Variants in GRIA3 observed in about 807,000 individuals in gnomAD.
GRIA3 encodes the protein glutamate ionotropic receptor AMPA type subunit 3.
A neutral mutation model predicts 63.0 loss-of-function variants in GRIA3; 3 were observed. The observed-to-expected ratio is 0.05, with a 90% CI of 0.02 to 0.12. The LOEUF (loss-of-function observed/expected upper bound fraction) is 0.12. Ranked by LOEUF, GRIA3 falls within the 10% of genes least tolerant of loss-of-function variation. The pLI is 1.00. For synonymous variants in GRIA3, 274 were observed against 257.9 expected (o/e 1.06, Z -0.60); for missense variants, 347 against 700.9 (o/e 0.50, Z 5.70).
chrX:123,268,459 GATAATATAAATA>G (rs1278197911), intron 3 of GRIA3, among the ~76,000 whole-genome samples: 1 of 108,224 alleles, frequency 9.2e-6, no homozygotes, highest in Admixed American at 9.9e-5. Flanking sequence ...TATTCCTTTT[GATAATATAAATA>G]ATAATATAAA....
At chrX:123,414,354 C>A (rs749878936) in intron 10 of GRIA3, among the ~76,000 whole-genome samples, 4 of 112,434 alleles carry the variant, frequency 3.6e-5, no homozygotes, top group Non-Finnish European at 5.6e-5. Flanking sequence ...GAGTCTCACG[C>A]CTCCACAATT....
At chrX:123,274,891 A>G (rs1455537216) in intron 3 of GRIA3, among the ~76,000 whole-genome samples, 1 of 111,888 alleles carries the variant, frequency 8.9e-6, no homozygotes, top group Non-Finnish European at 1.9e-5. Flanking sequence ...AGTGTCAAGC[A>G]AGTTTGTAGA....
chrX:123,486,693 T>C (rs1377099720), intron 15 of GRIA3, among the ~76,000 whole-genome samples: 1 of 112,186 alleles, frequency 8.9e-6, no homozygotes, highest in African/African-American at 3.2e-5. Context: ...CACTCATCTT[T>C]TATTTCCCAA....
intron 2 of GRIA3, among the ~76,000 whole-genome samples, chrX:123,244,908 A>G (rs767974388): frequency 2.7e-5 from 3 of 112,722 alleles, no homozygotes; most frequent in African/African-American, 9.7e-5. Flanking sequence ...TCTTGCAGAA[A>G]TAGGAGATGG....
chrX:123,395,230 C>A, intron 6 of GRIA3, 101 bp downstream of exon 6: 1 of 762,004 alleles, frequency 1.3e-6, no homozygotes, highest in Non-Finnish European at 2.0e-6. Flanking sequence ...AGTGATTTTC[C>A]TCAGAAGTGA....
At chrX:123,279,426 T>C (rs756475678) in intron 3 of GRIA3, among the ~76,000 whole-genome samples, 107 of 112,058 alleles carry the variant, frequency 9.5e-4, no homozygotes, top group Non-Finnish European at 4.3e-4. Flanking sequence ...GATCTAACCA[T>C]GACACAATGT....
chrX:123,184,422 G>A lies in GRIA3; in HGVS notation c.-114G>A. The stretch of plus-strand genomic sequence containing the variant: ...GGGTGGAAAGGAAGAGTGAGCGAGA[G>A]CAAGTTAAGGGGAGGGGGTGTAAGA... On this transcript the variant is annotated 5_prime_UTR_variant, in exon 1 of 16. Coordinates refer to ENST00000620443, the MANE Select transcript of GRIA3 (RefSeq NM_007325.5). 1 of 608,872 alleles carries A rather than the reference G, an allele frequency of 1.6e-6. No individual in the cohort carries two copies. Among genetic ancestry groups the A allele is most frequent in the Admixed American group, 2.3e-5 (1 of 43,539 alleles). The allele number at this position is 608,872 out of a possible 1,213,427, so 50.2% of individuals were successfully genotyped here.
At chrX:123,279,354 A>C (rs2044572434) in intron 3 of GRIA3, among the ~76,000 whole-genome samples, 1 of 111,736 alleles carries the variant, frequency 8.9e-6, no homozygotes, top group South Asian at 3.8e-4. Flanking sequence ...AAAAATGTAA[A>C]GACAGTGGAT....
At chrX:123,331,227 A>G (rs902443312) in intron 4 of GRIA3, among the ~76,000 whole-genome samples, 2 of 112,010 alleles carry the variant, frequency 1.8e-5, no homozygotes, top group African/African-American at 6.5e-5. Flanking sequence ...GGCTAAAATC[A>G]CTTCATCATG....
intron 2 of GRIA3, among the ~76,000 whole-genome samples, chrX:123,216,667 C>T (rs1242797041): frequency 8.9e-6 from 1 of 111,794 alleles, no homozygotes; most frequent in Non-Finnish European, 1.9e-5. Context: ...CCTCCACCAC[C>T]ACCACCACTG....
chrX:123,235,307 G>A (rs139421110), intron 2 of GRIA3, among the ~76,000 whole-genome samples: 2,985 of 111,555 alleles, frequency 0.027, 30 homozygotes, highest in Non-Finnish European at 0.043. Flanking sequence ...TCCACTTTTG[G>A]AGGGATACAC....
intron 15 of GRIA3, among the ~76,000 whole-genome samples, chrX:123,487,482 T>C (rs1019377267): frequency 2.7e-5 from 3 of 111,832 alleles, no homozygotes; most frequent in Non-Finnish European, 5.6e-5. Flanking sequence ...ACTGGAGACA[T>C]TTTGCTGCTG....
At chrX:123,393,404 T>C (rs893406598) in intron 5 of GRIA3, among the ~76,000 whole-genome samples, 2 of 112,387 alleles carry the variant, frequency 1.8e-5, no homozygotes, top group Non-Finnish European at 3.8e-5. Context: ...TACACTTCAA[T>C]AAAACCTTTT....
chrX:123,337,570 T>A (rs2044982395), intron 4 of GRIA3, among the ~76,000 whole-genome samples: 1 of 111,622 alleles, frequency 9.0e-6, no homozygotes, highest in Non-Finnish European at 1.9e-5. Context: ...GATTATGCTA[T>A]CTAAAAGACA....
At chrX:123,336,299 C>T (rs1036557319) in intron 4 of GRIA3, among the ~76,000 whole-genome samples, 9 of 112,228 alleles carry the variant, frequency 8.0e-5, no homozygotes, top group African/African-American at 2.3e-4. Flanking sequence ...TTAATTGATC[C>T]GTACAAAGTT....
intron 5 of GRIA3, among the ~76,000 whole-genome samples, chrX:123,369,470 C>T (rs1329330839): frequency 8.9e-6 from 1 of 112,111 alleles, no homozygotes; most frequent in Non-Finnish European, 1.9e-5. Flanking sequence ...GTCGAAGATT[C>T]GCTGGCCAGC....
intron 12 of GRIA3, among the ~76,000 whole-genome samples, chrX:123,464,509 T>C (rs1394893405): frequency 2.7e-5 from 3 of 111,714 alleles, no homozygotes; most frequent in Non-Finnish European, 5.6e-5. Flanking sequence ...CAGGATATTG[T>C]AGAGGAGATT....
intron 5 of GRIA3, among the ~76,000 whole-genome samples, chrX:123,391,673 G>A (rs773110910): frequency 4.5e-5 from 5 of 111,994 alleles, no homozygotes; most frequent in East Asian, 2.8e-4. Context: ...GTGGTGGGCC[G>A]GATGGGTGGG....
At chrX:123,396,660 A>G (rs1238815867) in intron 6 of GRIA3, among the ~76,000 whole-genome samples, 2 of 112,045 alleles carry the variant, frequency 1.8e-5, no homozygotes, top group East Asian at 5.5e-4. Context: ...TACAGAGTGT[A>G]TGTTGCCTAC....
Sources: allele counts gnomAD v4.1 joint callset (sites outside exome capture counted in the v4.1 genomes callset), GRCh38; gene constraint gnomAD v4.1.1; transcripts MANE v1.5; gene names NCBI Gene and HGNC (gene_info 2026-07-23, HGNC 2026-07-21).